Variants in ALG10B observed in about 807,000 individuals in gnomAD.
ALG10B encodes ALG10 alpha-1,2-glucosyltransferase B.
ALG10B carries 27 observed loss-of-function variants against 38.7 expected under a neutral mutation model. The observed-to-expected ratio is 0.70, with a 90% CI of 0.51 to 0.96. The LOEUF (loss-of-function observed/expected upper bound fraction) is 0.96. Ranked by LOEUF, ALG10B falls within the 40% of genes least tolerant of loss-of-function variation. ALG10B has a pLI of 0.00. For synonymous variants in ALG10B, 177 were observed against 193.3 expected, an observed-to-expected ratio of 0.92 and a Z score of 0.70; for missense variants, 522 against 542.7, an observed-to-expected ratio of 0.96 and a Z score of 0.38.
chr12:38,322,288 G>C lies in ALG10B; in HGVS notation c.*1075G>C, dbSNP rs1945710859. 1 of 152,146 alleles carries C rather than the reference G, an allele frequency of 6.6e-6. No individual in the cohort carries two copies. Among genetic ancestry groups the C allele is most frequent in the Non-Finnish European group, 1.5e-5 (1 of 68,036 alleles). The allele number at this position is 152,146 out of a possible 1,614,324, so 9.4% of individuals were successfully genotyped here. A position where few individuals can be genotyped will look rare whatever the true frequency, so the allele number is the denominator to read the frequency against. ...TGTCTTTGAATGTAGGGCCCACCCT[G>C]ATCTAGGGTGATTGTGTCTGGAGAC... On this transcript the variant is annotated 3_prime_UTR_variant, in exon 3 of 3. Transcript: ENST00000308742.
Position 38,324,888 on chromosome 12 carries a change from G to T in ALG10B, c.*3675G>T, listed in dbSNP as rs1160383270. 1.3e-5 allele frequency: 2 copies of T among 152,068 alleles called. No individual in the cohort carries two copies. Among genetic ancestry groups the T allele is most frequent in the African/African-American group, 4.8e-5 (2 of 41,424 alleles). The allele number at this position is 152,068 out of a possible 1,614,324, so 9.4% of individuals were successfully genotyped here. A position where few individuals can be genotyped will look rare whatever the true frequency, so the allele number is the denominator to read the frequency against. On this transcript the variant is annotated 3_prime_UTR_variant, in exon 3 of 3. Coordinates refer to ENST00000308742, the MANE Select transcript of ALG10B (RefSeq NM_001013620.4). Reference sequence around the variant, plus strand: ...ATTAGGTGATTATGAAAAAAATATTGCCCTGCTCGAGGGCATCTGGAGCCC... The same window carrying T: ...ATTAGGTGATTATGAAAAAAATATTTCCCTGCTCGAGGGCATCTGGAGCCC...
chr12:38,325,200 G>T lies in ALG10B; in HGVS notation c.*3987G>T, dbSNP rs1165023194. On this transcript the variant is annotated 3_prime_UTR_variant, in exon 3 of 3. Transcript: ENST00000308742. ...GATAGCATCTCTCAGTTTAAACTTA[G>T]CATCTCATTTTGGCAAGATAAATTA... 1 of 152,148 alleles carries T rather than the reference G, an allele frequency of 6.6e-6. No homozygotes were observed. Among genetic ancestry groups the T allele is most frequent in the Non-Finnish European group, 1.5e-5 (1 of 68,016 alleles). 9.4% of individuals were successfully genotyped at this position (152,148 alleles called of 1,614,324 possible).
rs12424132 is a variant in ALG10B, at chr12:38,323,317, A to T, written c.*2104A>T. ...GAAAGTTGAGAAATCCTTTGGTCTG[A>T]CTTTGTAGATTAGGGAACAACTGCT... On this transcript the variant is annotated 3_prime_UTR_variant, in exon 3 of 3. Coordinates refer to ENST00000308742, the MANE Select transcript of ALG10B (RefSeq NM_001013620.4). 1 of 152,364 alleles carries T rather than the reference A, an allele frequency of 6.6e-6. No homozygotes were observed. Among genetic ancestry groups the T allele is most frequent in the African/African-American group, 2.4e-5 (1 of 41,428 alleles). 9.4% of individuals were successfully genotyped at this position (152,364 alleles called of 1,614,324 possible). A position where few individuals can be genotyped will look rare whatever the true frequency, so the allele number is the denominator to read the frequency against.
Position 38,325,158 on chromosome 12 carries a change from T to G in ALG10B, c.*3945T>G, listed in dbSNP as rs1011889678. ...GAATCTTTTGAACTGCGTCTATGTA[T>G]TTAAATGATTTGGAAAGATAGCATC... On this transcript the variant is annotated 3_prime_UTR_variant, in exon 3 of 3. Transcript: ENST00000308742. The G allele has an allele frequency of 5.9e-5, 9 of 152,234 alleles. No homozygotes were observed. The highest frequency in any genetic ancestry group is 2.2e-4 in the African/African-American group (9 of 41,464). 9.4% of individuals were successfully genotyped at this position (152,234 alleles called of 1,614,324 possible).
chr12:38,323,734 G>A lies in ALG10B; in HGVS notation c.*2521G>A. On this transcript the variant is annotated 3_prime_UTR_variant, in exon 3 of 3. Transcript: ENST00000308742. The stretch of plus-strand genomic sequence containing the variant: ...TATAACAGTGATTGTAGAAAAACGT[G>A]TTTTACCCAGACTTCTTAAAAATTA... 1 of 600,136 alleles carries A rather than the reference G, an allele frequency of 1.7e-6. No individual in the cohort carries two copies. The allele number at this position is 600,136 out of a possible 1,614,324, so 37.2% of individuals were successfully genotyped here. A position where few individuals can be genotyped will look rare whatever the true frequency, so the allele number is the denominator to read the frequency against.
In ALG10B at chr12:38,326,964, T is replaced by A. The variant is rs1338025627; in HGVS notation, c.*5751T>A. The A allele has an allele frequency of 6.6e-6, 1 of 151,124 alleles. No individual in the cohort carries two copies. Among genetic ancestry groups the A allele is most frequent in the Non-Finnish European group, 1.5e-5 (1 of 67,782 alleles). The allele number at this position is 151,124 out of a possible 1,614,324, so 9.4% of individuals were successfully genotyped here. On this transcript the variant is annotated 3_prime_UTR_variant, in exon 3 of 3. Coordinates refer to ENST00000308742, the MANE Select transcript of ALG10B (RefSeq NM_001013620.4). ...AATTTAATGTTAATTAAATTTTATCTCAGCCTATCACCATCAGACCAAAAG... is the reference window on the plus strand; with the variant it reads ...AATTTAATGTTAATTAAATTTTATCACAGCCTATCACCATCAGACCAAAAG...
rs771821564 is a variant in ALG10B, at chr12:38,316,990, G to T, written c.97G>T (p.Glu33Ter). 2.5e-6 allele frequency: 4 copies of T among 1,614,092 alleles called. No homozygotes were observed. The highest frequency in any genetic ancestry group is 1.3e-5 in the African/African-American group (1 of 74,994). Residue 33 changes from glutamate (E) to a stop codon, truncating the protein, a stop_gained, in exon 1 of 3, where the codon GAG becomes TAG. Transcript: ENST00000308742. LOFTEE classifies it high-confidence loss of function. Reference protein sequence around the residue: ...LFSAFSRALREPYMDEIFHLP... With the variant: ...LFSAFSRALR Reference sequence around the variant, plus strand: ...CTCCGCCTTCAGCCGGGCGCTGCGAGAGCCCTACATGGACGAGATCTTCCA... The same window carrying T: ...CTCCGCCTTCAGCCGGGCGCTGCGATAGCCCTACATGGACGAGATCTTCCA...
rs1399157279 is a variant in ALG10B at position 38,329,701 on chromosome 12, ATAAAT to A, written c.*8490_*8494del. On this transcript the variant is annotated 3_prime_UTR_variant, in exon 3 of 3. Coordinates refer to ENST00000308742, the MANE Select transcript of ALG10B (RefSeq NM_001013620.4). ...TAGCATGTTTTTATTTTGTTTCTAA[ATAAAT>A]TCATGTTTGATAATATTTTATAATG... 6.6e-6 allele frequency: 1 copy of A among 152,176 alleles called. No homozygotes were observed. The highest frequency in any genetic ancestry group is 1.5e-5 in the Non-Finnish European group (1 of 68,210). The allele number at this position is 152,176 out of a possible 1,614,324, so 9.4% of individuals were successfully genotyped here.
chr12:38,318,103 A>C, intron 1 of ALG10B, 158 bp from the exon 2 acceptor site: 5 of 980,362 alleles, frequency 5.1e-6, no homozygotes, highest in Non-Finnish European at 7.8e-6. Flanking sequence ...AAATAAGAAA[A>C]ACTAATCCTG....
In ALG10B at chr12:38,320,165, C is replaced by A. The variant is rs763168638; in HGVS notation, c.374C>A (p.Ala125Asp). 1.6e-5 allele frequency: 26 copies of A among 1,613,762 alleles called. No homozygotes were observed. In the South Asian group the frequency reaches 2.7e-4, roughly 17 times the overall value. The change falls in exon 3 of 3, where the codon GCC (alanine) becomes GAC (aspartate). Residue 125 changes from alanine (A) to aspartate (D), a missense_variant. By Grantham distance (126) the Ala-to-Asp change is moderately radical (BLOSUM62 -2). Transcript: ENST00000308742. ...FHKVQPRNKAASSIQRVLSTL... is the reference protein window; with the variant it reads ...FHKVQPRNKADSSIQRVLSTL... ...TGTGTTTTTTCTTCCTCCAAGGCTGCCTCAAGTATCCAGAGAGTCTTGTCA... is the reference window on the plus strand; with the variant it reads ...TGTGTTTTTTCTTCCTCCAAGGCTGACTCAAGTATCCAGAGAGTCTTGTCA...
intron 2 of ALG10B, 74 bp from the exon 3 acceptor site, chr12:38,320,087 A>C: frequency 6.4e-7 from 1 of 1,571,452 alleles, no homozygotes; most frequent in Non-Finnish European, 8.7e-7. Context: ...GTTTTAAATA[A>C]ATCTCTTCAT....
upstream of ALG10B, chr12:38,316,735 C>A: frequency 8.0e-7 from 1 of 1,257,380 alleles, no homozygotes; most frequent in Non-Finnish European, 1.2e-6. Flanking sequence ...CGCTGTTTTC[C>A]GGATCCGCGC....
rs1250051874 is a variant in ALG10B at position 38,325,549 on chromosome 12, C to T, written c.*4336C>T. 3 of 151,866 alleles carry T rather than the reference C, an allele frequency of 2.0e-5. No individual in the cohort carries two copies. The highest frequency in any genetic ancestry group is 2.1e-4 in the South Asian group (1 of 4,794). The allele number at this position is 151,866 out of a possible 1,614,324, so 9.4% of individuals were successfully genotyped here. A position where few individuals can be genotyped will look rare whatever the true frequency, so the allele number is the denominator to read the frequency against. On this transcript the variant is annotated 3_prime_UTR_variant, in exon 3 of 3. Coordinates refer to ENST00000308742, the MANE Select transcript of ALG10B (RefSeq NM_001013620.4). Reference sequence around the variant, plus strand: ...ATTTTGTGTTTATTAGGTTAGCAAGCGTTTATTATCTTTGAAGTAATTGGA... The same window carrying T: ...ATTTTGTGTTTATTAGGTTAGCAAGTGTTTATTATCTTTGAAGTAATTGGA...
rs1591942767 is a variant in ALG10B at position 38,329,693 on chromosome 12, G to A, written c.*8480G>A. On this transcript the variant is annotated 3_prime_UTR_variant, in exon 3 of 3. Coordinates refer to ENST00000308742, the MANE Select transcript of ALG10B (RefSeq NM_001013620.4). ...TGTTCAAATAGCATGTTTTTATTTT[G>A]TTTCTAAATAAATTCATGTTTGATA... 6.8e-6 allele frequency: 1 copy of A among 147,144 alleles called. No homozygotes were observed. Among genetic ancestry groups the A allele is most frequent in the Admixed American group, 6.7e-5 (1 of 14,818 alleles). 9.1% of individuals were successfully genotyped at this position (147,144 alleles called of 1,614,324 possible).
chr12:38,320,456 C>CT lies in ALG10B; in HGVS notation c.666dup (p.Ile223TyrfsTer2), dbSNP rs1290181600. Reference sequence around the variant, plus strand: ...CAAAAGAAGGAAGACAGACTTCCACCTATTAAAGGACCATTTGCAGAATTC... The same window carrying CT: ...CAAAAGAAGGAAGACAGACTTCCACCTTATTAAAGGACCATTTGCAGAATTC... On this transcript the variant is annotated frameshift_variant, in exon 3 of 3. Transcript: ENST00000308742. LOFTEE classifies it high-confidence loss of function. 1.2e-6 allele frequency: 2 copies of CT among 1,613,926 alleles called. No homozygotes were observed. The highest frequency in any genetic ancestry group is 2.7e-5 in the African/African-American group (2 of 74,916).
rs1168856226 is a variant in ALG10B, at chr12:38,323,412, C to T, written c.*2199C>T. On this transcript the variant is annotated 3_prime_UTR_variant, in exon 3 of 3. Transcript: ENST00000308742. ...ATTTTGAGTGTATTTTTTGGGTTGT[C>T]ATTCCATTACAGGAAAGTATTATTT... The T allele has an allele frequency of 6.6e-6, 1 of 152,382 alleles. No homozygotes were observed. The highest frequency in any genetic ancestry group is 1.5e-5 in the Non-Finnish European group (1 of 68,218). 9.4% of individuals were successfully genotyped at this position (152,382 alleles called of 1,614,324 possible).
At position 38,328,260 on chromosome 12, in the gene ALG10B, ATT is replaced by A. The variant is rs1178661696; in HGVS notation, c.*7050_*7051del. On this transcript the variant is annotated 3_prime_UTR_variant, in exon 3 of 3. Coordinates refer to ENST00000308742, the MANE Select transcript of ALG10B (RefSeq NM_001013620.4). Reference sequence around the variant, plus strand: ...ATGACTTACATGCTGTCTTTGGTATATTTTAAGTTTCTAAACCAAAACTACTA... The same window carrying A: ...ATGACTTACATGCTGTCTTTGGTATATTAAGTTTCTAAACCAAAACTACTA... 2.6e-5 allele frequency: 4 copies of A among 152,154 alleles called. No homozygotes were observed. Among genetic ancestry groups the A allele is most frequent in the Non-Finnish European group, 5.9e-5 (4 of 68,006 alleles). 9.4% of individuals were successfully genotyped at this position (152,154 alleles called of 1,614,324 possible). A position where few individuals can be genotyped will look rare whatever the true frequency, so the allele number is the denominator to read the frequency against.
chr12:38,324,216 T>G lies in ALG10B; in HGVS notation c.*3003T>G, dbSNP rs1945725014. Reference sequence around the variant, plus strand: ...CCTGGCTAATTTTTTCTATTTTTAGTAGAGCCGGGGTTTCACCGTGTTAGC... The same window carrying G: ...CCTGGCTAATTTTTTCTATTTTTAGGAGAGCCGGGGTTTCACCGTGTTAGC... On this transcript the variant is annotated 3_prime_UTR_variant, in exon 3 of 3. Coordinates refer to ENST00000308742, the MANE Select transcript of ALG10B (RefSeq NM_001013620.4). The G allele has an allele frequency of 5.9e-6, 2 of 336,686 alleles. No individual in the cohort carries two copies. Among genetic ancestry groups the G allele is most frequent in the Non-Finnish European group, 1.1e-5 (2 of 183,712 alleles). The allele number at this position is 336,686 out of a possible 1,614,324, so 20.9% of individuals were successfully genotyped here.
rs769149600 is a variant in ALG10B at position 38,320,278 on chromosome 12, G to A, written c.487G>A (p.Ala163Thr). 5 of 1,613,590 alleles carry A rather than the reference G, an allele frequency of 3.1e-6. No individual in the cohort carries two copies. In the Admixed American group the frequency reaches 6.7e-5, roughly 22 times the overall value. The change falls in exon 3 of 3, where the codon GCA becomes ACA. Residue 163 changes from alanine to threonine, a missense_variant. By Grantham distance (58) the Ala-to-Thr change is moderately conservative. Coordinates refer to ENST00000308742, the MANE Select transcript of ALG10B (RefSeq NM_001013620.4). Reference protein sequence around the residue: ...EAGSMFFTLFAYLMCLYGNHK... With the variant: ...EAGSMFFTLFTYLMCLYGNHK... Reference sequence around the variant, plus strand: ...AGGATCTATGTTTTTTACTCTTTTTGCATATTTGATGTGTCTTTATGGAAA... The same window carrying A: ...AGGATCTATGTTTTTTACTCTTTTTACATATTTGATGTGTCTTTATGGAAA...
Sources: gnomAD v4.1 joint callset for allele counts on GRCh38, gnomAD v4.1.1 for gene constraint, MANE v1.5 for transcripts, NCBI Gene and HGNC (gene_info 2026-07-23, HGNC 2026-07-21) for gene names.